ANKRD44: variants seen among roughly 807,000 people sequenced by gnomAD.
ANKRD44 encodes the protein serine/threonine-protein phosphatase 6 regulatory ankyrin repeat subunit B.
A neutral mutation model predicts 116.0 loss-of-function variants in ANKRD44; 35 were observed. The observed-to-expected ratio is 0.30, with a 90% confidence interval of 0.23 to 0.40. The LOEUF is 0.40. Ranked by LOEUF, ANKRD44 falls within the 10% of genes least tolerant of loss-of-function variation. The probability of loss-of-function intolerance (pLI) is 1.00; values close to 1 mark genes in which losing one functional copy is unlikely to be tolerated. For synonymous variants in ANKRD44, 435 were observed against 461.8 expected (o/e 0.94, Z 0.74); for missense variants, 1,014 against 1,242.6 (o/e 0.82, Z 2.77).
chr2:197,229,653 A>T (rs148415321), intron 1 of ANKRD44, among the ~76,000 whole-genome samples: 1 of 152,338 alleles, frequency 6.6e-6, no homozygotes, highest in Non-Finnish European at 1.5e-5. Flanking sequence ...TAAAGTCTAT[A>T]TACAAATTAA....
In ANKRD44 at chr2:196,968,131, G is replaced by A. The variant is rs745902113; in HGVS notation, c.2369-685C>T. 5.3e-4 allele frequency among the ~76,000 whole-genome samples: 81 copies of A among 152,158 alleles called. 1 individual carries two copies. Among genetic ancestry groups the A allele is most frequent in the Non-Finnish European group, 1.2e-4 (8 of 68,036 alleles). ...ACCCAGCCTCAGATATTTCTTTATA[G>A]CAATGCAAGAACGGCCTAATACACT... is the stretch of plus-strand genomic sequence containing the variant. On this transcript the variant is annotated intron_variant, in intron 21 of 21. Coordinates refer to the ANKRD44 transcript ENST00000424317.
intron 10 of ANKRD44, among the ~76,000 whole-genome samples, chr2:197,092,676 G>A (rs1293162214): frequency 2.0e-5 from 3 of 152,186 alleles, no homozygotes; most frequent in Non-Finnish European, 4.4e-5. Flanking sequence ...ATCATGTGGA[G>A]GAGAACTGCT....
At chr2:197,306,774 C>T (rs752142967) in intron 1 of ANKRD44, among the ~76,000 whole-genome samples, 12 of 152,198 alleles carry the variant, frequency 7.9e-5, no homozygotes, top group Non-Finnish European at 1.3e-4. Context: ...CCGCTGCCAG[C>T]CACTGCCTTT....
intron 1 of ANKRD44, among the ~76,000 whole-genome samples, chr2:197,291,811 T>C (rs1396062577): frequency 6.6e-6 from 1 of 152,216 alleles, no homozygotes; most frequent in Non-Finnish European, 1.5e-5. Context: ...CTCCAAATGC[T>C]ATCCCTCCCC....
At chr2:197,249,444 G>A (rs7570217) in intron 1 of ANKRD44, among the ~76,000 whole-genome samples, 6,330 of 152,184 alleles carry the variant, frequency 0.042, 444 homozygotes, top group African/African-American at 0.14. Flanking sequence ...GAATGTGGTG[G>A]CCACCAACAT....
At position 197,195,861 on chromosome 2, in the gene ANKRD44, C is replaced by A. The variant is rs145403366; in HGVS notation, c.28-8755G>T. Among the ~76,000 whole-genome samples, 377 of 152,358 alleles carry A rather than the reference C, an allele frequency of 2.5e-3. 3 individuals carry two copies. The highest frequency in any genetic ancestry group is 8.5e-3 in the African/African-American group (355 of 41,588). ...CCAAGTGCCATATTTCTATCAGGAT[C>A]TGCTGCCAACTACCCACAGATTTTT... On this transcript the variant is annotated intron_variant, in intron 1 of 27. Transcript: ENST00000282272.
chr2:197,073,325 T>A (rs1428009218), intron 16 of ANKRD44, among the ~76,000 whole-genome samples: 1 of 152,214 alleles, frequency 6.6e-6, no homozygotes, highest in African/African-American at 2.4e-5. Context: ...TGGACCTTCC[T>A]GCTGGTAACT....
chr2:197,085,724 C>A (rs189173090), intron 13 of ANKRD44, among the ~76,000 whole-genome samples: 1 of 152,124 alleles, frequency 6.6e-6, no homozygotes, highest in South Asian at 2.1e-4. Flanking sequence ...AAGAAATAAC[C>A]GTAAAAATGG....
intron 1 of ANKRD44, among the ~76,000 whole-genome samples, chr2:197,242,426 A>T (rs933563543): frequency 6.6e-6 from 1 of 152,314 alleles, no homozygotes; most frequent in South Asian, 2.1e-4. Context: ...GGCTCCCCAC[A>T]TTTCCAGTTA....
intron 9 of ANKRD44, among the ~76,000 whole-genome samples, chr2:197,109,894 C>T (rs1399850826): frequency 6.6e-6 from 1 of 152,092 alleles, no homozygotes; most frequent in African/African-American, 2.4e-5. Flanking sequence ...CAGTGACAAC[C>T]TGATGGTTCA....
chr2:197,081,652 C>T lies in ANKRD44; in HGVS notation c.1531G>A (p.Ala511Thr), dbSNP rs940011421. 6.2e-7 allele frequency: 1 copy of T among 1,613,728 alleles called. No individual in the cohort carries two copies. The highest frequency in any genetic ancestry group is 8.5e-7 in the Non-Finnish European group (1 of 1,179,686). Residue 511 changes from alanine (A) to threonine (T), a missense_variant, in exon 15 of 28, where the codon GCC (alanine) becomes ACC (threonine). Physicochemically the swap from Ala to Thr is moderately conservative, Grantham distance 58. Transcript: ENST00000282272. ...ERARELKEKEATLCLEFLLQN... is the reference protein window; with the variant it reads ...ERARELKEKETTLCLEFLLQN... ...AGCTGAGAAGAAACTTACAGTGTGG[C>T]TTCCTTTTCCTTCAGCTCCCTGGCT...
intron 1 of ANKRD44, among the ~76,000 whole-genome samples, chr2:197,243,929 A>T (rs1246309736): frequency 2.6e-5 from 4 of 152,238 alleles, no homozygotes; most frequent in African/African-American, 9.6e-5. Context: ...GACATAGGAC[A>T]TATGTGTGGG....
At chr2:197,154,988 TATG>T (rs1207178609) in intron 2 of ANKRD44, among the ~76,000 whole-genome samples, 2 of 152,216 alleles carry the variant, frequency 1.3e-5, no homozygotes, top group Non-Finnish European at 2.9e-5. Flanking sequence ...ATACTCTCAA[TATG>T]ATATCTAACT....
intron 26 of ANKRD44, chr2:196,995,068 TATGTC>T (rs1303963111): frequency 5.1e-6 from 1 of 195,858 alleles, no homozygotes; most frequent in Non-Finnish European, 1.0e-5. Flanking sequence ...TTTCCCCAAA[TATGTC>T]AGTCCATAAA....
chr2:197,250,137 C>T (rs2082282739), intron 1 of ANKRD44, among the ~76,000 whole-genome samples: 1 of 152,196 alleles, frequency 6.6e-6, no homozygotes, highest in South Asian at 2.1e-4. Flanking sequence ...CCAGGTAGTT[C>T]AGTGGCTTGG....
intron 4 of ANKRD44, among the ~76,000 whole-genome samples, chr2:197,128,686 G>T (rs2079031833): frequency 2.6e-5 from 4 of 152,116 alleles, no homozygotes. Context: ...AATTGCTTTT[G>T]GTGTTTTCAT....
At chr2:197,064,463 A>C (rs1336849202) in intron 16 of ANKRD44, among the ~76,000 whole-genome samples, 1 of 152,248 alleles carries the variant, frequency 6.6e-6, no homozygotes, top group Non-Finnish European at 1.5e-5. Flanking sequence ...ATTAAGCTTA[A>C]ACGTAAATGG....
chr2:197,260,216 T>C (rs2082561384), intron 1 of ANKRD44, among the ~76,000 whole-genome samples: 1 of 132,694 alleles, frequency 7.5e-6, no homozygotes, highest in Non-Finnish European at 1.7e-5. Flanking sequence ...GTATATCTCC[T>C]AATGCTATCC....
chr2:196,987,181 T>A lies in ANKRD44; in HGVS notation c.*2410A>T, dbSNP rs2075847498. On this transcript the variant is annotated 3_prime_UTR_variant, in exon 28 of 28. Coordinates refer to ENST00000282272, the MANE Select transcript of ANKRD44 (RefSeq NM_001195144.2). Reference sequence around the variant, plus strand: ...TTTCCCCTATAATACTGACCTATGGTTTATAGTTTCGTAAGACGAAAGCAT... The same window carrying A: ...TTTCCCCTATAATACTGACCTATGGATTATAGTTTCGTAAGACGAAAGCAT... The A allele has an allele frequency of 1.0e-6, 1 of 985,280 alleles. No homozygotes were observed. Among genetic ancestry groups the A allele is most frequent in the Admixed American group, 6.1e-5 (1 of 16,262 alleles). The allele number at this position is 985,280 out of a possible 1,614,324, so 61.0% of individuals were successfully genotyped here.
Sources: gnomAD v4.1 joint callset for allele counts (sites outside exome capture counted in the v4.1 genomes callset) on GRCh38, gnomAD v4.1.1 for gene constraint, MANE v1.5 for transcripts, NCBI Gene and HGNC (gene_info 2026-07-23, HGNC 2026-07-21) for gene names.